Variants in TMEM108 observed in about 807,000 individuals in gnomAD.
The protein encoded by TMEM108 is cancer/testis antigen 124.
A neutral mutation model predicts 35.1 loss-of-function variants in TMEM108; 12 were observed. That is an observed-to-expected ratio of 0.34 (90% confidence interval 0.22 to 0.55). The LOEUF (loss-of-function observed/expected upper bound fraction) is 0.55, where lower values mean the gene tolerates loss of function less well. TMEM108 is among the 20% of genes least tolerant of loss of function. The pLI, the probability that TMEM108 is intolerant of heterozygous loss-of-function variation, is 0.89. For missense variants in TMEM108, 680 were observed against 753.3 expected (o/e 0.90, Z 1.14); for synonymous variants, 287 against 308.6 (o/e 0.93, Z 0.73).
chr3:133,183,165 T>C (rs1945372082), intron 2 of TMEM108, among the ~76,000 whole-genome samples: 1 of 152,148 alleles, frequency 6.6e-6, no homozygotes, highest in African/African-American at 2.4e-5. Context: ...GCATTTTGGA[T>C]TTCAGATTTT....
At chr3:133,131,087 G>A (rs1944484750) in intron 2 of TMEM108, among the ~76,000 whole-genome samples, 2 of 152,100 alleles carry the variant, frequency 1.3e-5, no homozygotes, top group Admixed American at 1.3e-4. Context: ...TCTACCTTGT[G>A]TGCAGAGGTA....
chr3:133,267,380 C>T (rs1358382023), intron 3 of TMEM108, among the ~76,000 whole-genome samples: 1 of 152,090 alleles, frequency 6.6e-6, no homozygotes, highest in African/African-American at 2.4e-5. Flanking sequence ...TCAAATCTTG[C>T]AAGAAAACGT....
chr3:133,392,523 C>T (rs1181846634), intron 5 of TMEM108, among the ~76,000 whole-genome samples: 1 of 152,124 alleles, frequency 6.6e-6, no homozygotes, highest in Non-Finnish European at 1.5e-5. Flanking sequence ...CTAGAGAGTC[C>T]AGATTTCTAC....
At chr3:133,218,216 T>C (rs1945937394) in intron 2 of TMEM108, among the ~76,000 whole-genome samples, 1 of 152,040 alleles carries the variant, frequency 6.6e-6, no homozygotes, top group South Asian at 2.1e-4. Flanking sequence ...AGTTTGTTGT[T>C]AGTGTATAGA....
intron 2 of TMEM108, among the ~76,000 whole-genome samples, chr3:133,222,984 C>A (rs1946014773): frequency 1.3e-5 from 2 of 152,060 alleles, no homozygotes; most frequent in Non-Finnish European, 2.9e-5. Context: ...CCATGCCCAG[C>A]TAATTTTTAA....
intron 4 of TMEM108, among the ~76,000 whole-genome samples, chr3:133,382,559 C>T (rs929609314): frequency 6.6e-6 from 1 of 152,162 alleles, no homozygotes; most frequent in Admixed American, 6.5e-5. Context: ...AAGAGGGAGC[C>T]GATGGTGGAC....
At chr3:133,077,894 C>T (rs1333966988) in intron 2 of TMEM108, among the ~76,000 whole-genome samples, 2 of 152,146 alleles carry the variant, frequency 1.3e-5, no homozygotes, top group Admixed American at 6.5e-5. Context: ...TGCCTGTGTT[C>T]TGAGGAAACA....
Position 133,281,019 on chromosome 3 carries a change from A to G in TMEM108, c.40+51668A>G, listed in dbSNP as rs544165491. 2.6e-5 allele frequency among the ~76,000 whole-genome samples: 4 copies of G among 152,370 alleles called. No homozygotes were observed. In the South Asian group the frequency reaches 6.2e-4, roughly 24 times the overall value. ...CCAAAGCAAGTCACAAGGCAAGCCT[A>G]TATTCAAGGAATGGGAAAATAAACT... On this transcript the variant is annotated intron_variant, in intron 3 of 5. Coordinates refer to ENST00000321871, the MANE Select transcript of TMEM108 (RefSeq NM_023943.4).
chr3:133,292,184 G>T (rs1316638463), intron 3 of TMEM108, among the ~76,000 whole-genome samples: 3 of 152,150 alleles, frequency 2.0e-5, no homozygotes, highest in Non-Finnish European at 4.4e-5. Context: ...TTATACATGG[G>T]ATATAAAATG....
chr3:133,040,045 T>C (rs1045754475), intron 1 of TMEM108, among the ~76,000 whole-genome samples: 1 of 152,168 alleles, frequency 6.6e-6, no homozygotes, highest in Non-Finnish European at 1.5e-5. Context: ...TTTTCTGAGA[T>C]GAATGAAAGT....
At chr3:133,242,496 A>G (rs1276667406) in intron 3 of TMEM108, among the ~76,000 whole-genome samples, 3 of 152,178 alleles carry the variant, frequency 2.0e-5, no homozygotes, top group Non-Finnish European at 4.4e-5. Flanking sequence ...TTTAAAAACC[A>G]ATGTGTTGAG....
chr3:133,067,086 G>A (rs1943617377), intron 2 of TMEM108, among the ~76,000 whole-genome samples: 1 of 151,962 alleles, frequency 6.6e-6, no homozygotes, highest in Admixed American at 6.6e-5. Flanking sequence ...GTGTCTCCTG[G>A]TATGACTCCC....
chr3:133,060,614 G>A (rs186453487), intron 2 of TMEM108, among the ~76,000 whole-genome samples: 40 of 152,298 alleles, frequency 2.6e-4, no homozygotes, highest in African/African-American at 8.9e-4. Context: ...ATTAGGTCAT[G>A]AGGATGAAAA....
intron 2 of TMEM108, among the ~76,000 whole-genome samples, chr3:133,130,766 C>G (rs945073364): frequency 6.6e-6 from 1 of 152,156 alleles, no homozygotes; most frequent in Admixed American, 6.5e-5. Context: ...CACAGATAAA[C>G]GAGATTGCAG....
intron 3 of TMEM108, among the ~76,000 whole-genome samples, chr3:133,253,062 T>G (rs1946494239): frequency 6.6e-6 from 1 of 152,226 alleles, no homozygotes; most frequent in Non-Finnish European, 1.5e-5. Flanking sequence ...GTAGGTTACA[T>G]GCAAATACAA....
rs775800473 is a variant in TMEM108 at position 133,380,191 on chromosome 3, T to C, written c.480T>C (p.Thr160=). 5.6e-6 allele frequency: 9 copies of C among 1,608,686 alleles called. No homozygotes were observed. In the South Asian group the frequency reaches 8.8e-5, roughly 16 times the overall value. ...GCCCCACCACAGCGCCCCCCCGCAC[T>C]ACCACACGCAGGCCCCCCAGGCCCC... is the stretch of plus-strand genomic sequence containing the variant. ...TSRPTTAPPR[T]TTRRPPRPPG... Residue 160 remains threonine, a synonymous_variant, in exon 4 of 6, where the codon ACT becomes ACC. Coordinates refer to ENST00000321871, the MANE Select transcript of TMEM108 (RefSeq NM_023943.4). This position sits in a 1 kb window ranked among gnomAD's most constrained non-coding sequence, Gnocchi z 5.3.
chr3:133,366,038 T>C (rs976028555), intron 3 of TMEM108, among the ~76,000 whole-genome samples: 1 of 152,238 alleles, frequency 6.6e-6, no homozygotes, highest in Non-Finnish European at 1.5e-5. Flanking sequence ...CCACCTTGAA[T>C]GTGTGACCTT....
chr3:133,119,164 C>T (rs1162111558), intron 2 of TMEM108: 1 of 151,764 alleles, frequency 6.6e-6, no homozygotes, highest in African/African-American at 2.4e-5. Context: ...CCTTCTTAGG[C>T]TCCTCAGTTT....
intron 1 of TMEM108, among the ~76,000 whole-genome samples, chr3:133,043,304 G>A (rs1412817967): frequency 1.3e-5 from 2 of 152,018 alleles, no homozygotes; most frequent in Non-Finnish European, 2.9e-5. Context: ...GAGGTCTGTG[G>A]CACACACACA....
Sources: allele counts gnomAD v4.1 joint callset (sites outside exome capture counted in the v4.1 genomes callset), GRCh38; gene constraint gnomAD v4.1.1; non-coding constraint Gnocchi (gnomAD v3.1); transcripts MANE v1.5; gene names NCBI Gene and HGNC (gene_info 2026-07-23, HGNC 2026-07-21).